The following SLC35A3 variants were observed in gnomAD, a reference collection of about 807,000 sequenced individuals.
SLC35A3 encodes solute carrier family 35 member A3.
A neutral mutation model predicts 39.0 loss-of-function variants in SLC35A3; 26 were observed. The observed-to-expected ratio is 0.67, with a 90% CI of 0.49 to 0.92. The LOEUF (loss-of-function observed/expected upper bound fraction) is 0.92, where lower values mean the gene tolerates loss of function less well. Among genes scored for constraint, SLC35A3 ranks in the 40% least tolerant of loss-of-function variants. SLC35A3 has a pLI of 0.00. For missense variants in SLC35A3, 299 were observed against 371.6 expected (o/e 0.80, Z 1.61); for synonymous variants, 135 against 133.1 (o/e 1.01, Z -0.10).
At chr1:99,987,126 G>C (rs1469271574) in intron 1 of SLC35A3, among the ~76,000 whole-genome samples, 2 of 152,216 alleles carry the variant, frequency 1.3e-5, no homozygotes, top group African/African-American at 2.4e-5. Flanking sequence ...GGGAGCCAGG[G>C]AGCCTGATAT....
At chr1:100,018,985 T>C (rs1399563975) in intron 7 of SLC35A3, among the ~76,000 whole-genome samples, 1 of 152,206 alleles carries the variant, frequency 6.6e-6, no homozygotes, top group African/African-American at 2.4e-5. Context: ...CAGCTTGGTA[T>C]GGAAATGAAT....
chr1:99,973,745 G>T (rs1656945801), intron 1 of SLC35A3, among the ~76,000 whole-genome samples: 1 of 152,174 alleles, frequency 6.6e-6, no homozygotes. Context: ...GGCCGGGTGT[G>T]GTGGCTCATG....
chr1:99,972,202 A>AT (rs953368592), intron 1 of SLC35A3, among the ~76,000 whole-genome samples: 2 of 148,306 alleles, frequency 1.3e-5, no homozygotes, highest in Admixed American at 6.7e-5. Flanking sequence ...CGCCCAGCCC[A>AT]TTTTTTTTTC....
intron 1 of SLC35A3, among the ~76,000 whole-genome samples, chr1:99,991,330 G>C (rs1265764009): frequency 6.6e-6 from 1 of 152,136 alleles, no homozygotes; most frequent in Non-Finnish European, 1.5e-5. Context: ...ATTTTTAGTA[G>C]AGACGGGCTT....
At position 100,025,334 on chromosome 1, in the gene SLC35A3, GT is replaced by G. The variant is rs1349326118; in HGVS notation, c.*2861del. 2.0e-5 allele frequency: 3 copies of G among 152,044 alleles called. No homozygotes were observed. Among genetic ancestry groups the G allele is most frequent in the Non-Finnish European group, 4.4e-5 (3 of 68,026 alleles). The allele number at this position is 152,044 out of a possible 1,614,324, so 9.4% of individuals were successfully genotyped here. A position where few individuals can be genotyped will look rare whatever the true frequency, so the allele number is the denominator to read the frequency against. ...ATTCACATTTAATCAGGTTTAGTCT[GT>G]TTCTATTTTAATAATTTTAAAAAAT... On this transcript the variant is annotated 3_prime_UTR_variant, in exon 8 of 8. Transcript: ENST00000533028.
Position 100,031,249 on chromosome 1 carries a change from C to G in SLC35A3, c.*8773C>G, listed in dbSNP as rs1056960101. 6.6e-6 allele frequency: 1 copy of G among 152,124 alleles called. No homozygotes were observed. The highest frequency in any genetic ancestry group is 2.4e-5 in the African/African-American group (1 of 41,420). 9.4% of individuals were successfully genotyped at this position (152,124 alleles called of 1,614,324 possible). A position where few individuals can be genotyped will look rare whatever the true frequency, so the allele number is the denominator to read the frequency against. On this transcript the variant is annotated 3_prime_UTR_variant, in exon 8 of 8. Transcript: ENST00000533028. ...TTTTTTAAAATTAAATTTTCTCCAG[C>G]TTTTCATTTTGCAGCATACAAAAAA...
intron 1 of SLC35A3, among the ~76,000 whole-genome samples, chr1:99,985,522 T>TACC (rs1657698546): frequency 2.0e-5 from 3 of 152,222 alleles, no homozygotes; most frequent in African/African-American, 7.2e-5. Flanking sequence ...TTTGTTCTTT[T>TACC]TGCTTAGTCT....
chr1:100,007,600 G>C (rs1659334391), intron 4 of SLC35A3: 1 of 151,572 alleles, frequency 6.6e-6, no homozygotes, highest in South Asian at 2.1e-4. Context: ...GTTGCTTGCA[G>C]GTTTGTTATT....
In SLC35A3 at chr1:100,027,350, G is replaced by A. The variant is rs905065567; in HGVS notation, c.*4874G>A. On this transcript the variant is annotated 3_prime_UTR_variant, in exon 8 of 8. Transcript: ENST00000533028. ...ACCTGTGGGGCCAGCTACTCAGGAG[G>A]CTGAGGCAGAAGGATTGCTTGAGCC... 11 of 391,468 alleles carry A rather than the reference G, an allele frequency of 2.8e-5. No homozygotes were observed. Among genetic ancestry groups the A allele is most frequent in the African/African-American group, 1.9e-4 (9 of 48,586 alleles). The allele number at this position is 391,468 out of a possible 1,614,324, so 24.2% of individuals were successfully genotyped here.
rs1660631561 is a variant in SLC35A3 at position 100,022,538 on chromosome 1, G to A, written c.*62G>A. ...CACTAGGAATCTCGACATTAATCTT[G>A]CACAGAGGACTTCTACAGAGTCTGA... On this transcript the variant is annotated 3_prime_UTR_variant, in exon 8 of 8. Coordinates refer to ENST00000533028, the MANE Select transcript of SLC35A3 (RefSeq NM_012243.3). 2 of 836,682 alleles carry A rather than the reference G, an allele frequency of 2.4e-6. No individual in the cohort carries two copies. Among genetic ancestry groups the A allele is most frequent in the African/African-American group, 3.4e-5 (2 of 58,378 alleles). 51.8% of individuals were successfully genotyped at this position (836,682 alleles called of 1,614,324 possible).
In SLC35A3 at chr1:100,028,733, TC is replaced by T. The variant is rs1309044044; in HGVS notation, c.*6258del. The T allele has an allele frequency of 1.3e-5, 2 of 152,200 alleles. No homozygotes were observed. Among genetic ancestry groups the T allele is most frequent in the African/African-American group, 4.8e-5 (2 of 41,448 alleles). The allele number at this position is 152,200 out of a possible 1,614,324, so 9.4% of individuals were successfully genotyped here. Reference sequence around the variant, plus strand: ...ATAGCAAGGAAGAAATAAATTGCCTTCAATTACCAAAGATTTGAGCTTCTGC... The same window carrying T: ...ATAGCAAGGAAGAAATAAATTGCCTTAATTACCAAAGATTTGAGCTTCTGC... On this transcript the variant is annotated 3_prime_UTR_variant, in exon 8 of 8. Transcript: ENST00000533028.
At chr1:100,014,466 C>T (rs1000028546) in intron 5 of SLC35A3, among the ~76,000 whole-genome samples, 2 of 152,146 alleles carry the variant, frequency 1.3e-5, no homozygotes, top group African/African-American at 2.4e-5. Context: ...AAATGATTCT[C>T]CTGCTTTGGC....
chr1:99,971,015 C>G (rs1466538300), intron 1 of SLC35A3, among the ~76,000 whole-genome samples: 1 of 152,128 alleles, frequency 6.6e-6, no homozygotes, highest in Non-Finnish European at 1.5e-5. Context: ...GCTAAATATG[C>G]TCGTCTTTCC....
chr1:99,993,677 A>G lies in SLC35A3; in HGVS notation c.123A>G (p.Thr41=). ...AAGGACCTCGTTATCTATCTTCTACAGCAGTGGTTGTTGCTGAACTTTTGA... is the reference window on the plus strand; with the variant it reads ...AAGGACCTCGTTATCTATCTTCTACGGCAGTGGTTGTTGCTGAACTTTTGA... ...KEEGPRYLSS[T]AVVVAELLKI... The change falls in exon 2 of 8, where the codon ACA becomes ACG. Residue 41 remains threonine (T), a synonymous_variant. Transcript: ENST00000533028. The G allele has an allele frequency of 6.2e-7, 1 of 1,614,024 alleles. No individual in the cohort carries two copies. Among genetic ancestry groups the G allele is most frequent in the Non-Finnish European group, 8.5e-7 (1 of 1,179,956 alleles).
At chr1:99,986,306 A>G (rs1657738562) in intron 1 of SLC35A3, among the ~76,000 whole-genome samples, 1 of 151,852 alleles carries the variant, frequency 6.6e-6, no homozygotes, top group South Asian at 2.1e-4. Flanking sequence ...CTGGGACTAC[A>G]AGCATGCACC....
At chr1:99,977,394 C>T (rs1441671897) in intron 1 of SLC35A3, among the ~76,000 whole-genome samples, 2 of 147,520 alleles carry the variant, frequency 1.4e-5, no homozygotes, top group Admixed American at 1.4e-4. Context: ...ATTAGCTGGG[C>T]GTGGTGGCAG....
intron 3 of SLC35A3, among the ~76,000 whole-genome samples, chr1:100,004,844 GTCC>G (rs962651063): frequency 2.0e-5 from 3 of 151,932 alleles, no homozygotes; most frequent in African/African-American, 7.3e-5. Flanking sequence ...GGCTCAACCT[GTCC>G]TCCTGCCTCA....
At chr1:99,972,406 C>T (rs1361582406) in intron 1 of SLC35A3, among the ~76,000 whole-genome samples, 5 of 150,168 alleles carry the variant, frequency 3.3e-5, no homozygotes, top group Admixed American at 3.3e-4. Flanking sequence ...GACCCTCTCG[C>T]CTCACTGCCA....
chr1:99,991,983 A>G (rs7511663), intron 1 of SLC35A3, among the ~76,000 whole-genome samples: 6,367 of 151,920 alleles, frequency 0.042, 151 homozygotes, highest in South Asian at 0.055. Context: ...TCTTGACCTC[A>G]TGATCTACCT....
Sources: allele counts gnomAD v4.1 joint callset (sites outside exome capture counted in the v4.1 genomes callset), GRCh38; gene constraint gnomAD v4.1.1; transcripts MANE v1.5; gene names NCBI Gene and HGNC (gene_info 2026-07-23, HGNC 2026-07-21).